The following EEFSEC variants were observed in gnomAD, a reference collection of about 807,000 sequenced individuals.
EEFSEC encodes the protein eukaryotic elongation factor, selenocysteine-tRNA specific, also known as selenocysteine-specific elongation factor.
A neutral mutation model predicts 42.1 loss-of-function variants in EEFSEC; 43 were observed. The observed-to-expected ratio is 1.02, with a 90% CI of 0.80 to 1.32. The LOEUF (loss-of-function observed/expected upper bound fraction) is 1.32. Among genes scored for constraint, EEFSEC ranks in the 40% most tolerant of loss-of-function variants. The pLI, the probability that EEFSEC is intolerant of heterozygous loss-of-function variation, is 0.00. For missense variants in EEFSEC, 745 were observed against 803.6 expected, an observed-to-expected ratio of 0.93 and a Z score of 0.88; for synonymous variants, 354 against 339.1, an observed-to-expected ratio of 1.04 and a Z score of -0.48.
At chr3:128,221,320 G>A (rs1215528314) in intron 1 of EEFSEC, among the ~76,000 whole-genome samples, 1 of 152,246 alleles carries the variant, frequency 6.6e-6, no homozygotes, top group Non-Finnish European at 1.5e-5. Context: ...ATGGAAGCCA[G>A]TTAGTTCCAG....
At position 128,341,359 on chromosome 3, in the gene EEFSEC, G is replaced by T; in HGVS notation, c.913G>T (p.Ala305Ser). The T allele has an allele frequency of 6.2e-7, 1 of 1,614,170 alleles. No homozygotes were observed. The highest frequency in any genetic ancestry group is 8.5e-7 in the Non-Finnish European group (1 of 1,180,038). The change falls in exon 5 of 7, where the codon GCC becomes TCC. Residue 305 changes from alanine to serine, a missense_variant. Transcript: ENST00000254730. Reference sequence around the variant, plus strand: ...GCTGCTGGAGCGCGGGTTGGTGTGTGCCCCCGAGTCCCTGCACACTGTCCA... The same window carrying T: ...GCTGCTGGAGCGCGGGTTGGTGTGTTCCCCCGAGTCCCTGCACACTGTCCA... ...PKLLERGLVC[A>S]PESLHTVHAA...
intron 4 of EEFSEC, among the ~76,000 whole-genome samples, chr3:128,324,913 G>T (rs1049156624): frequency 2.6e-5 from 4 of 152,244 alleles, no homozygotes; most frequent in Admixed American, 1.3e-4. Context: ...TAACCTTCCT[G>T]TTGCTGTTGC....
At chr3:128,424,896 G>A in the EEFSEC span, among the ~76,000 whole-genome samples, 1 of 151,884 alleles carries the variant, frequency 6.6e-6, no homozygotes, top group African/African-American at 2.4e-5. Flanking sequence ...TCTAAAGCTC[G>A]TTCAGTCTAA....
chr3:128,346,825 T>C (rs942814445), intron 5 of EEFSEC, among the ~76,000 whole-genome samples: 1 of 152,250 alleles, frequency 6.6e-6, no homozygotes, highest in Non-Finnish European at 1.5e-5. Context: ...TAAAACCTTT[T>C]GTTGTGAACA....
At chr3:128,290,109 T>C (rs966917474) in intron 4 of EEFSEC, among the ~76,000 whole-genome samples, 3 of 152,212 alleles carry the variant, frequency 2.0e-5, no homozygotes, top group African/African-American at 7.2e-5. Context: ...TTTTTTCTTT[T>C]ATGGCTTATG....
rs147954766 is a variant in EEFSEC at position 128,320,757 on chromosome 3, G to A, written c.787-20476G>A. 3.5e-3 allele frequency among the ~76,000 whole-genome samples: 530 copies of A among 152,310 alleles called. 1 individual carries two copies. Among genetic ancestry groups the A allele is most frequent in the African/African-American group, 0.012 (489 of 41,566 alleles). On this transcript the variant is annotated intron_variant, in intron 4 of 6. Transcript: ENST00000254730. ...TCCCTGTAGGACAAACAAGCAAGGCGGTAGCCACTCCACCAGTGTATAAGT... is the reference window on the plus strand; with the variant it reads ...TCCCTGTAGGACAAACAAGCAAGGCAGTAGCCACTCCACCAGTGTATAAGT...
At chr3:128,333,792 A>G (rs1192636272) in intron 4 of EEFSEC, among the ~76,000 whole-genome samples, 1 of 152,216 alleles carries the variant, frequency 6.6e-6, no homozygotes, top group Non-Finnish European at 1.5e-5. Flanking sequence ...AGCCTCAGAA[A>G]GTGCATGGTA....
chr3:128,284,706 T>C (rs967488079), intron 4 of EEFSEC, among the ~76,000 whole-genome samples: 2 of 152,216 alleles, frequency 1.3e-5, no homozygotes, highest in African/African-American at 2.4e-5. Flanking sequence ...TCATGGACTA[T>C]AGTCGAGTCA....
intron 1 of EEFSEC, among the ~76,000 whole-genome samples, chr3:128,198,598 G>A (rs761677027): frequency 6.6e-6 from 1 of 152,186 alleles, no homozygotes; most frequent in Non-Finnish European, 1.5e-5. Context: ...TGGCTGACAG[G>A]GAGCATTAGG....
intron 1 of EEFSEC, among the ~76,000 whole-genome samples, chr3:128,228,919 G>A (rs548967116): frequency 1.8e-4 from 27 of 152,294 alleles, no homozygotes; most frequent in African/African-American, 6.5e-4. Context: ...AAAGGGCTTG[G>A]TAAGAATAAC....
chr3:128,310,837 C>T (rs1439585580), intron 4 of EEFSEC, among the ~76,000 whole-genome samples: 1 of 152,230 alleles, frequency 6.6e-6, no homozygotes, highest in Non-Finnish European at 1.5e-5. Flanking sequence ...TGCTGCCCCA[C>T]CCTGCCCACC....
chr3:128,155,230 T>G (rs1320124757), intron 1 of EEFSEC, among the ~76,000 whole-genome samples: 3 of 152,182 alleles, frequency 2.0e-5, no homozygotes. Flanking sequence ...TTCTCCTGCC[T>G]CAGCCTCCCA....
chr3:128,425,644 C>T, the EEFSEC span, among the ~76,000 whole-genome samples: 4 of 152,244 alleles, frequency 2.6e-5, no homozygotes, highest in Admixed American at 6.5e-5. Flanking sequence ...CATCGGGCAC[C>T]CACCCAGGCC....
chr3:128,425,388 C>T, the EEFSEC span, among the ~76,000 whole-genome samples: 7 of 151,964 alleles, frequency 4.6e-5, no homozygotes, highest in African/African-American at 1.4e-4. Flanking sequence ...TGTGGACGAG[C>T]GGATGGATTC....
chr3:128,302,703 C>T (rs1189526092), intron 4 of EEFSEC, among the ~76,000 whole-genome samples: 1 of 151,940 alleles, frequency 6.6e-6, no homozygotes, highest in African/African-American at 2.4e-5. Flanking sequence ...AGCCTCTCCT[C>T]CTCTATCCCA....
intron 1 of EEFSEC, among the ~76,000 whole-genome samples, chr3:128,230,592 G>C (rs1488363704): frequency 2.0e-5 from 3 of 152,186 alleles, no homozygotes; most frequent in Non-Finnish European, 4.4e-5. Flanking sequence ...TCATGATGAA[G>C]CACCTGCTGT....
At chr3:128,311,828 T>C (rs1226736725) in intron 4 of EEFSEC, among the ~76,000 whole-genome samples, 6 of 152,200 alleles carry the variant, frequency 3.9e-5, no homozygotes, top group Admixed American at 2.6e-4. Flanking sequence ...TTAGAAATAT[T>C]TCAAAATCCA....
chr3:128,287,349 G>A (rs755606085), intron 4 of EEFSEC, among the ~76,000 whole-genome samples: 19 of 152,150 alleles, frequency 1.2e-4, no homozygotes, highest in Non-Finnish European at 2.1e-4. Flanking sequence ...ATCAAGAATG[G>A]AATCTGGGGG....
chr3:128,252,399 G>A (rs1559887327), intron 2 of EEFSEC, among the ~76,000 whole-genome samples: 1 of 152,176 alleles, frequency 6.6e-6, no homozygotes, highest in Non-Finnish European at 1.5e-5. Flanking sequence ...CAGTCTCATA[G>A]CGTTTAATAT....
Sources: gnomAD v4.1 joint callset for allele counts (sites outside exome capture counted in the v4.1 genomes callset) on GRCh38, gnomAD v4.1.1 for gene constraint, MANE v1.5 for transcripts, NCBI Gene and HGNC (gene_info 2026-07-23, HGNC 2026-07-21) for gene names.